The following CNBD2 variants were observed in gnomAD, a reference collection of about 807,000 sequenced individuals.
The protein encoded by CNBD2 is cyclic nucleotide binding domain containing 2, also known as cyclic nucleotide-binding domain-containing protein 2.
In CNBD2, 64 loss-of-function variants were observed where a neutral mutation model predicts 63.7. That is an observed-to-expected ratio of 1.00 (90% CI 0.82 to 1.24). The LOEUF is 1.24. Ranked by LOEUF, CNBD2 falls within the 50% of genes most tolerant of loss-of-function variation. CNBD2 has a pLI of 0.00. For synonymous variants in CNBD2, 229 were observed against 255.4 expected, an observed-to-expected ratio of 0.90 and a Z score of 0.99; for missense variants, 691 against 713.5, an observed-to-expected ratio of 0.97 and a Z score of 0.36.
chr20:36,019,426 G>A (rs1431380917), intron 10 of CNBD2, among the ~76,000 whole-genome samples: 1 of 151,424 alleles, frequency 6.6e-6, no homozygotes, highest in Non-Finnish European at 1.5e-5. Context: ...GGGAGGCTGA[G>A]GCAGGAGGAT....
chr20:36,008,572 A>G, intron 9 of CNBD2, 98 bp downstream of exon 9: 5 of 1,202,196 alleles, frequency 4.2e-6, no homozygotes, highest in Non-Finnish European at 5.7e-6. Context: ...ATAAGGGGCA[A>G]AGGTGGAGGA....
At chr20:35,975,502 T>A (rs6060735) in intron 2 of CNBD2, among the ~76,000 whole-genome samples, 16 of 137,628 alleles carry the variant, frequency 1.2e-4, no homozygotes, top group East Asian at 6.7e-4. Flanking sequence ...GGGTTTCACC[T>A]TGTTAGCCAG....
rs551165816 is a variant in CNBD2, at chr20:36,028,643, T to C, written c.1440-1714T>C. Among the ~76,000 whole-genome samples the C allele has an allele frequency of 2.4e-4, 36 of 150,288 alleles. No individual in the cohort carries two copies. In the South Asian group the frequency reaches 7.6e-3, roughly 32 times the overall value. The stretch of plus-strand genomic sequence containing the variant: ...AAAACAGACAGACAGTATGAACTAA[T>C]GCTGGGGATTGCCCAGGAGGGCTTA... On this transcript the variant is annotated intron_variant, in intron 11 of 11. Transcript: ENST00000373973.
At chr20:36,011,056 GA>G in intron 9 of CNBD2, 80 bp from the exon 10 acceptor site, 1 of 1,341,058 alleles carries the variant, frequency 7.5e-7, no homozygotes, top group South Asian at 2.2e-5. Flanking sequence ...TCCATGTGCA[GA>G]AGAGTGAGGG....
chr20:35,965,248 G>GCACCT (rs1371389585), upstream of CNBD2, among the ~76,000 whole-genome samples: 15 of 147,686 alleles, frequency 1.0e-4, no homozygotes, highest in Admixed American at 2.0e-4. Context: ...TGCAATCTTG[G>GCACCT]CTCACTGCAA....
intron 11 of CNBD2, 55 bp downstream of exon 11, chr20:36,023,826 C>T (rs1457387942): frequency 5.5e-6 from 8 of 1,457,972 alleles, no homozygotes; most frequent in Non-Finnish European, 7.4e-6. Context: ...AATTTTTCAC[C>T]TGTTATTTTA....
In CNBD2 at chr20:35,975,964, C is replaced by G; in HGVS notation, c.205C>G (p.Arg69Gly). 2 of 1,613,064 alleles carry G rather than the reference C, an allele frequency of 1.2e-6. No individual in the cohort carries two copies. The highest frequency in any genetic ancestry group is 1.7e-6 in the Non-Finnish European group (2 of 1,179,190). Residue 69 changes from arginine to glycine, a missense_variant, in exon 3 of 12, where the codon CGA becomes GGA. Coordinates refer to ENST00000373973, the MANE Select transcript of CNBD2 (RefSeq NM_001365709.1). ...TTTCTTTCAGAAAAAGATGCAAAGC[C>G]GAGTCACATTTGATACCATGGACTT... ...FSFWDKKMQSRVTFDTMDFIA... is the reference protein window; with the variant it reads ...FSFWDKKMQSGVTFDTMDFIA...
At chr20:36,008,219 TA>T in intron 8 of CNBD2, 77 bp from the exon 9 acceptor site, 1 of 1,237,018 alleles carries the variant, frequency 8.1e-7, no homozygotes, top group Non-Finnish European at 1.1e-6. Flanking sequence ...GTTCCTGTGA[TA>T]AGCTTCAACT....
At chr20:35,976,589 C>G (rs911030570) in intron 3 of CNBD2, among the ~76,000 whole-genome samples, 1 of 152,128 alleles carries the variant, frequency 6.6e-6, no homozygotes, top group Non-Finnish European at 1.5e-5. Context: ...GGCCCCCTCT[C>G]TAAAAAAGAG....
chr20:36,024,173 T>TA (rs2057255609), intron 11 of CNBD2, among the ~76,000 whole-genome samples: 3 of 151,586 alleles, frequency 2.0e-5, no homozygotes, highest in Admixed American at 2.0e-4. Context: ...CCATCTCTAC[T>TA]AAAAACCCAA....
At chr20:35,974,179 G>A (rs532999603) in intron 2 of CNBD2, 1 of 153,802 alleles carries the variant, frequency 6.5e-6, no homozygotes, top group Non-Finnish European at 1.5e-5. Context: ...AAGACATTCA[G>A]ATACAAATAT....
At chr20:35,956,562 A>G (rs1934378766), downstream of CNBD2, among the ~76,000 whole-genome samples, 1 of 151,916 alleles carries the variant, frequency 6.6e-6, no homozygotes, top group African/African-American at 2.4e-5. Context: ...TAGAGTTGAT[A>G]TTTTTCTCTC....
At chr20:35,992,861 G>A (rs1360164653) in intron 7 of CNBD2, among the ~76,000 whole-genome samples, 2 of 147,828 alleles carry the variant, frequency 1.4e-5, no homozygotes, top group African/African-American at 5.0e-5. Context: ...GTTCATCTCT[G>A]GGAGGGAGAT....
intron 3 of CNBD2, among the ~76,000 whole-genome samples, chr20:35,977,532 G>A (rs998078018): frequency 1.3e-5 from 2 of 152,146 alleles, no homozygotes; most frequent in South Asian, 4.1e-4. Flanking sequence ...AAAATAATTA[G>A]CTAGGCACGG....
At chr20:35,976,277 A>G (rs2056517523) in intron 3 of CNBD2, among the ~76,000 whole-genome samples, 1 of 152,136 alleles carries the variant, frequency 6.6e-6, no homozygotes, top group African/African-American at 2.4e-5. Flanking sequence ...CTGGGCTTGG[A>G]CCCGTGGGAA....
chr20:35,954,440 G>A (rs1568832014), upstream of CNBD2: 2 of 1,549,736 alleles, frequency 1.3e-6, no homozygotes, highest in Admixed American at 2.0e-5. Context: ...AGAGTGTGCG[G>A]AGCTTACCTG....
chr20:36,019,808 G>A (rs1448636162), intron 10 of CNBD2, among the ~76,000 whole-genome samples: 1 of 152,200 alleles, frequency 6.6e-6, no homozygotes, highest in African/African-American at 2.4e-5. Flanking sequence ...CATCTAGCCA[G>A]AGAAGCAACT....
At chr20:36,020,690 A>G (rs2057195989) in intron 10 of CNBD2, among the ~76,000 whole-genome samples, 1 of 152,082 alleles carries the variant, frequency 6.6e-6, no homozygotes, top group African/African-American at 2.4e-5. Context: ...TCATATATAT[A>G]TGTTTCCTCT....
chr20:36,015,400 T>A (rs1386956318), intron 10 of CNBD2, among the ~76,000 whole-genome samples: 1 of 152,188 alleles, frequency 6.6e-6, no homozygotes, highest in African/African-American at 2.4e-5. Flanking sequence ...TTTGCTTTTG[T>A]TGCCTGTGTT....
Sources: gnomAD v4.1 joint callset for allele counts (sites outside exome capture counted in the v4.1 genomes callset) on GRCh38, gnomAD v4.1.1 for gene constraint, MANE v1.5 for transcripts, NCBI Gene and HGNC (gene_info 2026-07-23, HGNC 2026-07-21) for gene names.